The following LGALS3 variants were observed in gnomAD, a reference collection of about 807,000 sequenced individuals.
The protein encoded by LGALS3 is galectin-3.
A neutral mutation model predicts 20.7 loss-of-function variants in LGALS3; 18 were observed. That is an observed-to-expected ratio of 0.87 (90% confidence interval 0.60 to 1.29). The LOEUF (loss-of-function observed/expected upper bound fraction) is 1.29. Ranked by LOEUF, LGALS3 falls within the 50% of genes most tolerant of loss-of-function variation. The pLI is 0.00. For missense variants in LGALS3, 315 were observed against 314.7 expected (o/e 1.00, Z -0.01); for synonymous variants, 112 against 119.6 (o/e 0.94, Z 0.42).
chr14:55,130,750 T>TG (rs201394501), intron 1 of LGALS3, among the ~76,000 whole-genome samples: 33 of 46,148 alleles, frequency 7.2e-4, no homozygotes, highest in African/African-American at 2.5e-3. Context: ...GTGGTGGTGG[T>TG]GGTGGGGGGG....
intron 2 of LGALS3, 58 bp from the exon 3 acceptor site, chr14:55,137,986 GA>G: frequency 6.9e-7 from 1 of 1,456,310 alleles, no homozygotes; most frequent in South Asian, 1.7e-5. Flanking sequence ...CTATTTTCCT[GA>G]AAATTCTGCT....
intron 3 of LGALS3, among the ~76,000 whole-genome samples, chr14:55,139,896 A>T (rs923590726): frequency 8.5e-5 from 13 of 152,220 alleles, no homozygotes; most frequent in African/African-American, 3.1e-4. Context: ...AGAATGTGAT[A>T]TGCTGCTTGC....
chr14:55,135,732 T>A lies in LGALS3; in HGVS notation c.-4-1638T>A, dbSNP rs191694554. 5.9e-5 allele frequency among the ~76,000 whole-genome samples: 9 copies of A among 151,882 alleles called. No homozygotes were observed. In the East Asian group the frequency reaches 1.7e-3, roughly 29 times the overall value. On this transcript the variant is annotated intron_variant, in intron 1 of 5. Transcript: ENST00000254301. ...GGCATGCGCCACCACACCCGGCTAA[T>A]TTTTGTATTTTTCATAGAGACAGGG...
chr14:55,138,100 C>T lies in LGALS3; in HGVS notation c.74C>T (p.Ala25Val). ...CCAAACCCTCAAGGATGGCCTGGCG[C>T]ATGGGGGAACCAGCCTGCTGGGGCA... ...GNPNPQGWPG[A>V]WGNQPAGAGG... is the part of the protein sequence containing the mutation. Residue 25 changes from alanine (A) to valine (V), a missense_variant, in exon 3 of 6, where the codon GCA (alanine) becomes GTA (valine). Physicochemically the swap from Ala to Val is moderately conservative, Grantham distance 64. Coordinates refer to ENST00000254301, the MANE Select transcript of LGALS3 (RefSeq NM_002306.4). 6.5e-7 allele frequency: 1 copy of T among 1,533,406 alleles called. No individual in the cohort carries two copies. Among genetic ancestry groups the T allele is most frequent in the Non-Finnish European group, 8.7e-7 (1 of 1,144,174 alleles). 95.0% of individuals were successfully genotyped at this position (1,533,406 alleles called of 1,614,324 possible).
At chr14:55,130,053 CA>C (rs1188455926) in intron 1 of LGALS3, among the ~76,000 whole-genome samples, 1 of 152,230 alleles carries the variant, frequency 6.6e-6, no homozygotes, top group African/African-American at 2.4e-5. Flanking sequence ...GCAAAGACTG[CA>C]AACTCTAAGC....
intron 1 of LGALS3, among the ~76,000 whole-genome samples, chr14:55,130,937 A>T (rs935006059): frequency 1.3e-5 from 2 of 152,254 alleles, no homozygotes; most frequent in South Asian, 2.1e-4. Context: ...GTAAAGTTGA[A>T]TAATGATCAT....
intron 4 of LGALS3, 88 bp downstream of exon 4, chr14:55,140,451 C>A: frequency 4.1e-6 from 3 of 736,016 alleles, no homozygotes; most frequent in South Asian, 1.8e-5. Flanking sequence ...CTTGCCCTGT[C>A]TTACAGTGCT....
rs752251264 is a variant in LGALS3, at chr14:55,138,379, ATTCCTTCT to A, written c.342+15_342+22del. 11 of 1,612,348 alleles carry A rather than the reference ATTCCTTCT, an allele frequency of 6.8e-6. No homozygotes were observed. The Middle Eastern group carries it at 6.6e-4, about 96-fold the overall frequency. On this transcript the variant is annotated intron_variant, in intron 3 of 5. Coordinates refer to ENST00000254301, the MANE Select transcript of LGALS3 (RefSeq NM_002306.4). ...CCTGCTGGGCCACTGGTGAGATGGC[ATTCCTTCT>A]TTCATGTACTTGACATGCAGAGGGC...
intron 2 of LGALS3, chr14:55,137,657 G>T: frequency 7.1e-7 from 1 of 1,415,922 alleles, no homozygotes; most frequent in Non-Finnish European, 9.2e-7. Flanking sequence ...GACTCTGCCG[G>T]CAGGAGCTGA....
In LGALS3 at chr14:55,145,302, G is replaced by T; in HGVS notation, c.*31G>T. The T allele has an allele frequency of 6.5e-7, 1 of 1,542,724 alleles. No individual in the cohort carries two copies. Reference sequence around the variant, plus strand: ...AAGGGGCAGATTAAAAAAAAAAAAAGAATCTAAACCTTACATGTGTAAAGG... The same window carrying T: ...AAGGGGCAGATTAAAAAAAAAAAAATAATCTAAACCTTACATGTGTAAAGG... On this transcript the variant is annotated 3_prime_UTR_variant, in exon 6 of 6. Coordinates refer to ENST00000254301, the MANE Select transcript of LGALS3 (RefSeq NM_002306.4).
chr14:55,131,818 T>A (rs746599724), intron 1 of LGALS3, among the ~76,000 whole-genome samples: 8 of 152,192 alleles, frequency 5.3e-5, no homozygotes, highest in Admixed American at 1.3e-4. Flanking sequence ...GCCAGGGAGC[T>A]ATGATGAGAA....
intron 3 of LGALS3, among the ~76,000 whole-genome samples, chr14:55,139,385 C>T (rs1371706360): frequency 6.6e-6 from 1 of 152,142 alleles, no homozygotes; most frequent in African/African-American, 2.4e-5. Context: ...CATTCTAGTT[C>T]ACACTTGTTG....
intron 5 of LGALS3, chr14:55,143,497 C>G (rs974412718): frequency 2.2e-5 from 7 of 317,484 alleles, no homozygotes; most frequent in Non-Finnish European, 3.1e-5. Flanking sequence ...TCTTGGCTCA[C>G]TACAACCTCC....
intron 2 of LGALS3, chr14:55,137,686 G>C: frequency 7.1e-7 from 1 of 1,405,190 alleles, no homozygotes; most frequent in Non-Finnish European, 9.2e-7. Context: ...CTGAGTAGCG[G>C]GAAGTGCGGT....
chr14:55,145,075 T>C (rs865819724), intron 5 of LGALS3, 41 bp from the exon 6 acceptor site: 2 of 1,524,912 alleles, frequency 1.3e-6, no homozygotes. Context: ...AGCTGACATA[T>C]GCATTACCTC....
At chr14:55,133,054 CA>C (rs947383739) in intron 1 of LGALS3, among the ~76,000 whole-genome samples, 6 of 152,104 alleles carry the variant, frequency 3.9e-5, no homozygotes, top group African/African-American at 1.4e-4. Context: ...GTTTTCTGAC[CA>C]AAACACAATC....
intron 1 of LGALS3, among the ~76,000 whole-genome samples, chr14:55,131,261 G>C (rs978028361): frequency 6.6e-6 from 1 of 152,172 alleles, no homozygotes; most frequent in African/African-American, 2.4e-5. Context: ...TGTCCAAGTA[G>C]AATAGGTGTC....
rs1382487554 is a variant in LGALS3, at chr14:55,137,318, T to C, written c.-4-52T>C. On this transcript the variant is annotated intron_variant, in intron 1 of 5. Coordinates refer to ENST00000254301, the MANE Select transcript of LGALS3 (RefSeq NM_002306.4). Reference sequence around the variant, plus strand: ...GAACTAGTGGTGAGGTTCAGTTTAATGGAAATTGGTGAAAGCTTTTAGGAT... The same window carrying C: ...GAACTAGTGGTGAGGTTCAGTTTAACGGAAATTGGTGAAAGCTTTTAGGAT... The C allele has an allele frequency of 2.1e-5, 32 of 1,547,452 alleles. No homozygotes were observed. In the Admixed American group the frequency reaches 4.8e-4, roughly 23 times the overall value.
At chr14:55,134,321 G>A (rs2140289608) in intron 1 of LGALS3, among the ~76,000 whole-genome samples, 1 of 152,314 alleles carries the variant, frequency 6.6e-6, no homozygotes, top group East Asian at 1.9e-4. Flanking sequence ...GCGCCCCACA[G>A]CAAAGCATCT....
Sources: allele counts gnomAD v4.1 joint callset (sites outside exome capture counted in the v4.1 genomes callset), GRCh38; gene constraint gnomAD v4.1.1; transcripts MANE v1.5; gene names NCBI Gene and HGNC (gene_info 2026-07-23, HGNC 2026-07-21).